The following KNG1 variants were observed in gnomAD, a reference collection of about 807,000 sequenced individuals.
KNG1 encodes kininogen 1.
A neutral mutation model predicts 47.8 loss-of-function variants in KNG1; 23 were observed. The observed-to-expected ratio is 0.48, with a 90% confidence interval of 0.35 to 0.68. The LOEUF is 0.68. Among genes scored for constraint, KNG1 ranks in the 30% least tolerant of loss-of-function variants. The pLI is 0.01. For missense variants in KNG1, 762 were observed against 790.2 expected (o/e 0.96, Z 0.43); for synonymous variants, 277 against 277.0 (o/e 1.00, Z 0.00).
intron 4 of KNG1, 88 bp from the exon 5 acceptor site, chr3:186,727,149 C>T (rs1720396926): frequency 1.1e-6 from 1 of 931,012 alleles, no homozygotes; most frequent in African/African-American, 1.6e-5. Context: ...TATTGCCACA[C>T]TGTTTTCTAA....
In KNG1 at chr3:186,730,715, TACACACAC is replaced by T. The variant is rs1198252081; in HGVS notation, c.673-822_673-815del. ...ATATATATATATATATATATATATA[TACACACAC>T]ACACACATATATATATACACATATA... On this transcript the variant is annotated intron_variant, in intron 5 of 9. Transcript: ENST00000644859. Among the ~76,000 whole-genome samples, 7 of 109,442 alleles carry T rather than the reference TACACACAC, an allele frequency of 6.4e-5. No individual in the cohort carries two copies. In the South Asian group the frequency reaches 8.1e-4, roughly 13 times the overall value. The allele number at this position is 109,442 out of a possible 152,430, so 71.8% of individuals were successfully genotyped here. A position where few individuals can be genotyped will look rare whatever the true frequency, so the allele number is the denominator to read the frequency against.
chr3:186,723,723 A>G (rs2108621481), intron 3 of KNG1, among the ~76,000 whole-genome samples: 1 of 151,250 alleles, frequency 6.6e-6, no homozygotes, highest in East Asian at 1.9e-4. Flanking sequence ...GGCACGATCT[A>G]GGCTCACTGC....
intron 5 of KNG1, 117 bp downstream of exon 5, chr3:186,727,461 T>A: frequency 5.6e-6 from 4 of 714,584 alleles, no homozygotes; most frequent in Non-Finnish European, 1.0e-5. Flanking sequence ...CAGCAATTCA[T>A]ATTCACATTT....
At chr3:186,727,020 A>ATATGTG (rs1553791742) in intron 4 of KNG1, among the ~76,000 whole-genome samples, 1 of 104,612 alleles carries the variant, frequency 9.6e-6, no homozygotes, top group African/African-American at 3.0e-5. Context: ...CTAGCGGTGT[A>ATATGTG]TGTGTGTGTG....
In KNG1 at chr3:186,743,883, A is replaced by ATTCTATC; in HGVS notation, c.*1553_*1554insTCTATCT. The ATTCTATC allele has an allele frequency of 1.2e-6, 1 of 842,676 alleles. No individual in the cohort carries two copies. Among genetic ancestry groups the ATTCTATC allele is most frequent in the Non-Finnish European group, 2.0e-6 (1 of 489,768 alleles). The allele number at this position is 842,676 out of a possible 1,614,324, so 52.2% of individuals were successfully genotyped here. On this transcript the variant is annotated 3_prime_UTR_variant, in exon 10 of 10. Coordinates refer to ENST00000644859, the MANE Select transcript of KNG1 (RefSeq NM_001102416.3). ...AGAAGAAAGATGGGATAGAATTTAA[A>ATTCTATC]TAGAGAAGAATGCCATTTTATCACT...
chr3:186,733,135 A>C (rs1479181846), intron 7 of KNG1, among the ~76,000 whole-genome samples: 1 of 151,958 alleles, frequency 6.6e-6, no homozygotes. Context: ...AGTCCCAGCT[A>C]CTCCAGAGGC....
In KNG1 at chr3:186,717,718, T is replaced by G; in HGVS notation, c.176T>G (p.Ile59Arg). 1 of 1,612,766 alleles carries G rather than the reference T, an allele frequency of 6.2e-7. No homozygotes were observed. Among genetic ancestry groups the G allele is most frequent in the East Asian group, 2.2e-5 (1 of 44,886 alleles). The stretch of plus-strand genomic sequence containing the variant: ...AACAACCAGTTTGTATTGTACCGCA[T>G]AACTGAAGCCACTAAGACGGTGAGT... ...QSNNQFVLYR[I>R]TEATKTVGSD... is the part of the protein sequence containing the mutation. Residue 59 changes from isoleucine (I) to arginine (R), a missense_variant, in exon 1 of 10, where the codon ATA becomes AGA. Transcript: ENST00000644859.
chr3:186,743,847 G>C lies in KNG1; in HGVS notation c.*1516G>C. ...CAACCACCTCTGCCAGCAACCTTGA[G>C]AGGAAGGACAAGAAGAAAGATGGGA... is the stretch of plus-strand genomic sequence containing the variant. On this transcript the variant is annotated 3_prime_UTR_variant, in exon 10 of 10. Coordinates refer to ENST00000644859, the MANE Select transcript of KNG1 (RefSeq NM_001102416.3). 3 of 1,135,942 alleles carry C rather than the reference G, an allele frequency of 2.6e-6. No individual in the cohort carries two copies. Among genetic ancestry groups the C allele is most frequent in the South Asian group, 1.2e-5 (1 of 81,144 alleles). The allele number at this position is 1,135,942 out of a possible 1,614,324, so 70.4% of individuals were successfully genotyped here.
chr3:186,733,916 C>T (rs1054013079), intron 7 of KNG1, among the ~76,000 whole-genome samples: 2 of 151,986 alleles, frequency 1.3e-5, no homozygotes, highest in Non-Finnish European at 2.9e-5. Context: ...TGCAATGAGC[C>T]GAGACCGTGT....
intron 6 of KNG1, among the ~76,000 whole-genome samples, chr3:186,731,899 A>G (rs1720545815): frequency 6.6e-6 from 1 of 152,248 alleles, no homozygotes; most frequent in African/African-American, 2.4e-5. Flanking sequence ...GTACAATGCC[A>G]TCTGGTCTCT....
At chr3:186,731,359 G>C (rs931042064) in intron 5 of KNG1, among the ~76,000 whole-genome samples, 186 bp from the exon 6 acceptor site, 6 of 151,960 alleles carry the variant, frequency 3.9e-5, no homozygotes, top group Non-Finnish European at 5.9e-5. Flanking sequence ...GCATGTATTT[G>C]TTGATGCTAT....
intron 7 of KNG1, among the ~76,000 whole-genome samples, chr3:186,737,646 A>G (rs1579128475): frequency 6.6e-6 from 1 of 150,486 alleles, no homozygotes; most frequent in South Asian, 2.1e-4. Context: ...AACCTCTGCC[A>G]CCCAGGTTCA....
chr3:186,719,543 A>G (rs753247417), intron 1 of KNG1, among the ~76,000 whole-genome samples: 36 of 152,162 alleles, frequency 2.4e-4, no homozygotes, highest in Non-Finnish European at 4.7e-4. Flanking sequence ...GATCGAGACC[A>G]TGGTGAAACT....
chr3:186,730,795 TATG>T lies in KNG1; in HGVS notation c.673-747_673-745del, dbSNP rs573980968. ...ACACACACAAATACATACAAATTAG[TATG>T]ATACTTATGAAAGTATCATTTAAAA... On this transcript the variant is annotated intron_variant, in intron 5 of 9. Transcript: ENST00000644859. Among the ~76,000 whole-genome samples the T allele has an allele frequency of 2.1e-3, 252 of 121,794 alleles. 1 individual carries two copies. Among genetic ancestry groups the T allele is most frequent in the African/African-American group, 7.2e-3 (235 of 32,554 alleles). 79.9% of individuals were successfully genotyped at this position (121,794 alleles called of 152,430 possible).
At chr3:186,737,037 C>G (rs957985483) in intron 7 of KNG1, among the ~76,000 whole-genome samples, 1 of 151,888 alleles carries the variant, frequency 6.6e-6, no homozygotes, top group South Asian at 2.1e-4. Flanking sequence ...AGTGAGACTC[C>G]GTCTCAAAAA....
chr3:186,741,630 G>A lies in KNG1; in HGVS notation c.1234G>A (p.Ala412Thr), dbSNP rs553330895. The stretch of plus-strand genomic sequence containing the variant: ...TCCACCCCACACTTCCATGGCACCT[G>A]CACAAGATGAAGAGCGGGATTCAGG... ...VSPPHTSMAP[A>T]QDEERDSGKE... The change falls in exon 10 of 10, where the codon GCA becomes ACA. Residue 412 changes from alanine (A) to threonine (T), a missense_variant. Physicochemically the swap from Ala to Thr is moderately conservative, Grantham distance 58 (BLOSUM62 0). Transcript: ENST00000644859. The A allele has an allele frequency of 3.1e-5, 50 of 1,614,028 alleles. No individual in the cohort carries two copies. Among genetic ancestry groups the A allele is most frequent in the Admixed American group, 1.5e-4 (9 of 59,982 alleles).
chr3:186,722,658 G>A, intron 3 of KNG1, 137 bp downstream of exon 3: 2 of 739,708 alleles, frequency 2.7e-6, no homozygotes, highest in Non-Finnish European at 4.8e-6. Flanking sequence ...AGGGAGCATT[G>A]GGTGGAGCGG....
At chr3:186,731,738 T>A (rs1720539376) in intron 6 of KNG1, 109 bp downstream of exon 6, 7 of 733,572 alleles carry the variant, frequency 9.5e-6, no homozygotes, top group South Asian at 8.8e-5. Flanking sequence ...TACTCCAAAG[T>A]CTGTGTAACC....
chr3:186,741,092 C>T (rs1004766814), intron 9 of KNG1, among the ~76,000 whole-genome samples: 6 of 151,928 alleles, frequency 3.9e-5, no homozygotes, highest in African/African-American at 1.5e-4. Context: ...GTCCTGGGTT[C>T]AAGCAATTCT....
Sources: allele counts gnomAD v4.1 joint callset (sites outside exome capture counted in the v4.1 genomes callset), GRCh38; gene constraint gnomAD v4.1.1; transcripts MANE v1.5; gene names NCBI Gene and HGNC (gene_info 2026-07-23, HGNC 2026-07-21).